MAST2: variants seen among roughly 807,000 people sequenced by gnomAD.
MAST2 encodes microtubule associated serine/threonine kinase 2.
MAST2 carries 70 observed loss-of-function variants against 147.4 expected under a neutral mutation model. That is an observed-to-expected ratio of 0.47 (90% confidence interval 0.39 to 0.58). The LOEUF (loss-of-function observed/expected upper bound fraction) is 0.58, where lower values mean the gene tolerates loss of function less well. MAST2 is among the 20% of genes least tolerant of loss of function. The pLI, the probability that MAST2 is intolerant of heterozygous loss-of-function variation, is 0.00. For missense variants in MAST2, 2,080 were observed against 2,302.3 expected (o/e 0.90, Z 1.98); for synonymous variants, 869 against 896.8 (o/e 0.97, Z 0.55).
chr1:45,824,679 G>A (rs537677146), intron 2 of MAST2, 99 bp downstream of exon 2: 50 of 1,270,236 alleles, frequency 3.9e-5, no homozygotes, highest in Non-Finnish European at 5.0e-5. Flanking sequence ...TTCTTCTCTG[G>A]TAGTAGTCTT....
chr1:45,808,471 A>T (rs919704391), intron 1 of MAST2, among the ~76,000 whole-genome samples: 7 of 152,122 alleles, frequency 4.6e-5, no homozygotes, highest in Admixed American at 3.9e-4. Context: ...GGCCTCCCAA[A>T]GTATTAGGAT....
At chr1:46,029,012 C>G in intron 18 of MAST2, 79 bp downstream of exon 18, 1 of 1,436,958 alleles carries the variant, frequency 7.0e-7, no homozygotes, top group Non-Finnish European at 9.4e-7. Context: ...GCTCGTGAGG[C>G]CTGTGAGCTC....
chr1:45,990,204 G>A (rs1644805296), intron 5 of MAST2, among the ~76,000 whole-genome samples: 1 of 152,210 alleles, frequency 6.6e-6, no homozygotes, highest in African/African-American at 2.4e-5. Flanking sequence ...AATAACAAGA[G>A]TTCCTGTTGT....
chr1:45,806,931 C>T (rs1644160181), intron 1 of MAST2, among the ~76,000 whole-genome samples: 1 of 152,176 alleles, frequency 6.6e-6, no homozygotes, highest in African/African-American at 2.4e-5. Flanking sequence ...TAGCCTCGAA[C>T]TCCTGGGCTC....
At chr1:45,963,151 G>A (rs1660678673) in intron 5 of MAST2, among the ~76,000 whole-genome samples, 1 of 152,206 alleles carries the variant, frequency 6.6e-6, no homozygotes, top group South Asian at 2.1e-4. Context: ...GTACCATGCT[G>A]TTTTGGTTAC....
chr1:45,829,591 C>A lies in MAST2; in HGVS notation c.468+10C>A. The A allele has an allele frequency of 6.2e-7, 1 of 1,605,518 alleles. No individual in the cohort carries two copies. The highest frequency in any genetic ancestry group is 1.1e-5 in the South Asian group (1 of 89,632). ...TCTTACTGCTGGCCTGGTAAGTGTTCATAAAGGTGGCATTTTGCTCTATGA... is the reference window on the plus strand; with the variant it reads ...TCTTACTGCTGGCCTGGTAAGTGTTAATAAAGGTGGCATTTTGCTCTATGA... On this transcript the variant is annotated intron_variant, in intron 3 of 28. Transcript: ENST00000361297.
At chr1:45,917,458 C>T in intron 4 of MAST2, 1 of 1,366,582 alleles carries the variant, frequency 7.3e-7, no homozygotes, top group Non-Finnish European at 9.8e-7. Context: ...GCTACTTCTC[C>T]TCTTGCCATT....
intron 2 of MAST2, among the ~76,000 whole-genome samples, chr1:45,828,422 G>C (rs1042353833): frequency 1.3e-4 from 20 of 152,186 alleles, no homozygotes; most frequent in Non-Finnish European, 2.6e-4. Context: ...AGAGTCGAAG[G>C]AGATGAGACC....
At chr1:46,027,000 A>G (rs976713703) in intron 16 of MAST2, among the ~76,000 whole-genome samples, 1 of 152,210 alleles carries the variant, frequency 6.6e-6, no homozygotes, top group African/African-American at 2.4e-5. Context: ...CTTAGCACAG[A>G]GCTCAACAGA....
chr1:46,021,576 G>A (rs541423168), intron 11 of MAST2, among the ~76,000 whole-genome samples: 16 of 152,176 alleles, frequency 1.1e-4, no homozygotes, highest in Non-Finnish European at 2.1e-4. Context: ...CAAAGCTCTT[G>A]TGAGCCATAA....
rs1339903279 is a variant in MAST2 at position 46,035,847 on chromosome 1, A to G, written c.5178A>G (p.Leu1726=). ...ATGAGGATCCCAGCCAGGGCTGGCT[A>G]TGGGAGTCTGAGTGTGCACAAGCAG... is the stretch of plus-strand genomic sequence containing the variant. ...PSYEDPSQGW[L]WESECAQAVK... Residue 1726 remains leucine (L), a synonymous_variant, in exon 29 of 29, where the codon CTA becomes CTG. Coordinates refer to ENST00000361297, the MANE Select transcript of MAST2 (RefSeq NM_015112.3). The surrounding 1 kb of genome is among the most constrained non-coding windows in gnomAD (Gnocchi z 5.5). 1.2e-6 allele frequency: 2 copies of G among 1,613,904 alleles called. No homozygotes were observed. The highest frequency in any genetic ancestry group is 2.2e-5 in the East Asian group (1 of 44,868).
chr1:45,943,407 T>C (rs886444467), intron 4 of MAST2, among the ~76,000 whole-genome samples: 1 of 152,218 alleles, frequency 6.6e-6, no homozygotes, highest in African/African-American at 2.4e-5. Flanking sequence ...AAAGGCCAGA[T>C]AAAGCCAAAC....
chr1:46,003,779 A>G (rs1219747100), intron 7 of MAST2, among the ~76,000 whole-genome samples: 1 of 152,168 alleles, frequency 6.6e-6, no homozygotes, highest in Non-Finnish European at 1.5e-5. Flanking sequence ...GCAACTTTTT[A>G]TTAAAACCAC....
chr1:45,934,441 G>A (rs868173147), intron 4 of MAST2, among the ~76,000 whole-genome samples: 1 of 151,868 alleles, frequency 6.6e-6, no homozygotes, highest in Non-Finnish European at 1.5e-5. Flanking sequence ...AGCTGAGATT[G>A]TGCCACTGCA....
intron 4 of MAST2, among the ~76,000 whole-genome samples, chr1:45,888,438 C>G (rs1388487732): frequency 3.3e-5 from 5 of 152,046 alleles, no homozygotes; most frequent in Non-Finnish European, 1.5e-5. Flanking sequence ...TCTGGGCTCA[C>G]TGCAAGCTCC....
chr1:45,865,005 G>A (rs1557845291), intron 3 of MAST2: 1 of 427,878 alleles, frequency 2.3e-6, no homozygotes, highest in African/African-American at 2.1e-5. Flanking sequence ...TGGGTTAGTG[G>A]TGTGCTGAAA....
intron 4 of MAST2, among the ~76,000 whole-genome samples, chr1:45,915,301 C>A (rs1438596592): frequency 6.6e-6 from 1 of 152,156 alleles, no homozygotes; most frequent in Admixed American, 6.5e-5. Context: ...AAAATACCCC[C>A]TGAGGAGCTA....
intron 3 of MAST2, among the ~76,000 whole-genome samples, chr1:45,831,328 A>G (rs143002417): frequency 1.3e-5 from 2 of 152,146 alleles, no homozygotes; most frequent in Non-Finnish European, 2.9e-5. Flanking sequence ...CTTTTGGGTC[A>G]ACATATGTGG....
At chr1:45,827,028 C>G (rs1296436323) in intron 2 of MAST2, among the ~76,000 whole-genome samples, 1 of 151,986 alleles carries the variant, frequency 6.6e-6, no homozygotes, top group East Asian at 1.9e-4. Context: ...CGGGGTTTCA[C>G]TATGTTGGCC....
Sources: allele counts gnomAD v4.1 joint callset (sites outside exome capture counted in the v4.1 genomes callset), GRCh38; gene constraint gnomAD v4.1.1; non-coding constraint Gnocchi (gnomAD v3.1); transcripts MANE v1.5; gene names NCBI Gene and HGNC (gene_info 2026-07-23, HGNC 2026-07-21).